SGCD: variants seen among roughly 807,000 people sequenced by gnomAD.
The protein encoded by SGCD is delta-sarcoglycan.
In SGCD, 18 loss-of-function variants were observed where a neutral mutation model predicts 36.6. The ratio of observed to expected loss-of-function variants is 0.49; its 90% CI spans 0.34 to 0.73. The LOEUF is 0.73. SGCD is among the 30% of genes least tolerant of loss of function. The pLI, the probability that SGCD is intolerant of heterozygous loss-of-function variation, is 0.01. For synonymous variants in SGCD, 133 were observed against 130.6 expected (o/e 1.02, Z -0.12); for missense variants, 387 against 346.7 (o/e 1.12, Z -0.92).
At chr5:155,754,323 T>C in the SGCD span, among the ~76,000 whole-genome samples, 1 of 152,128 alleles carries the variant, frequency 6.6e-6, no homozygotes, top group African/African-American at 2.4e-5. Flanking sequence ...CATCCAAATA[T>C]AAGGGACTAT....
intron 1 of SGCD, among the ~76,000 whole-genome samples, chr5:155,977,119 G>C (rs1758131293): frequency 6.6e-6 from 1 of 152,122 alleles, no homozygotes; most frequent in Admixed American, 6.6e-5. Flanking sequence ...TGCACCTCAG[G>C]GTCTTTGCAC....
intron 3 of SGCD, among the ~76,000 whole-genome samples, chr5:156,279,983 A>AT (rs2127672884): frequency 6.6e-6 from 1 of 150,786 alleles, no homozygotes; most frequent in African/African-American, 2.4e-5. Context: ...ACACACATAC[A>AT]AACACACACA....
At chr5:156,031,327 C>A (rs1759345596) in intron 1 of SGCD, among the ~76,000 whole-genome samples, 1 of 152,238 alleles carries the variant, frequency 6.6e-6, no homozygotes, top group Non-Finnish European at 1.5e-5. Context: ...GAAAATGAGA[C>A]AAGAGGCCTA....
rs191579907 is a variant in SGCD, at chr5:156,346,442, A to T, written c.192+1765A>T. 1.4e-3 allele frequency among the ~76,000 whole-genome samples: 215 copies of T among 152,218 alleles called. 1 individual carries two copies. Among genetic ancestry groups the T allele is most frequent in the African/African-American group, 5.0e-3 (209 of 41,542 alleles). On this transcript the variant is annotated intron_variant, in intron 3 of 8. Transcript: ENST00000337851. ...ATCCCTCAAGTAGATAGAACTAGAG[A>T]CACACACCATCATGCTTGACTAATT...
At chr5:156,363,914 A>G (rs1229411542) in intron 3 of SGCD, among the ~76,000 whole-genome samples, 3 of 152,128 alleles carry the variant, frequency 2.0e-5, no homozygotes, top group Non-Finnish European at 2.9e-5. Context: ...AAAACTCACT[A>G]CCTGTCACAT....
intron 1 of SGCD, among the ~76,000 whole-genome samples, chr5:156,060,797 C>A (rs1273715845): frequency 6.9e-6 from 1 of 145,660 alleles, no homozygotes; most frequent in Non-Finnish European, 1.5e-5. Flanking sequence ...ATATTAAAAA[C>A]TAAAAGATTG....
intron 3 of SGCD, among the ~76,000 whole-genome samples, chr5:156,287,400 G>A (rs1199423361): frequency 2.0e-5 from 3 of 152,106 alleles, no homozygotes; most frequent in African/African-American, 7.2e-5. Context: ...GCTAGAGAGG[G>A]TTGGCCTAGA....
chr5:155,746,496 C>T, the SGCD span, among the ~76,000 whole-genome samples: 1 of 152,132 alleles, frequency 6.6e-6, no homozygotes, highest in African/African-American at 2.4e-5. Context: ...AAAGACAAGT[C>T]AGAGCAGGCT....
At chr5:156,618,279 T>G (rs1403340752) in intron 6 of SGCD, among the ~76,000 whole-genome samples, 1 of 152,194 alleles carries the variant, frequency 6.6e-6, no homozygotes, top group African/African-American at 2.4e-5. Context: ...CCAGTTATCG[T>G]TAGCAGAGAT....
chr5:156,068,127 G>T (rs113669524), intron 1 of SGCD, among the ~76,000 whole-genome samples: 6,459 of 108,110 alleles, frequency 0.06, 473 homozygotes, highest in African/African-American at 0.19. Context: ...TTTATTTTAT[G>T]TTATTTTATT....
intron 3 of SGCD, among the ~76,000 whole-genome samples, chr5:156,278,465 G>A (rs1766374267): frequency 6.6e-6 from 1 of 152,132 alleles, no homozygotes; most frequent in African/African-American, 2.4e-5. Context: ...CTAGAAGGGT[G>A]GTAGAGGACT....
At chr5:155,890,460 AC>A (rs887542544) in intron 1 of SGCD, among the ~76,000 whole-genome samples, 1 of 151,938 alleles carries the variant, frequency 6.6e-6, no homozygotes, top group African/African-American at 2.4e-5. Context: ...CCTTACCTCT[AC>A]AAAAAATACA....
chr5:156,623,143 A>G (rs1484927855), intron 6 of SGCD, among the ~76,000 whole-genome samples: 1 of 152,228 alleles, frequency 6.6e-6, no homozygotes, highest in Admixed American at 6.5e-5. Flanking sequence ...ATAAATATAT[A>G]TACATACATG....
chr5:156,488,420 C>T (rs1755799119), intron 3 of SGCD, among the ~76,000 whole-genome samples: 1 of 151,920 alleles, frequency 6.6e-6, no homozygotes, highest in African/African-American at 2.4e-5. Context: ...AGAGAAAAGT[C>T]ACATATGAGG....
chr5:156,008,066 T>C (rs910130316), intron 1 of SGCD, among the ~76,000 whole-genome samples: 1 of 152,216 alleles, frequency 6.6e-6, no homozygotes, highest in Non-Finnish European at 1.5e-5. Flanking sequence ...TCAGATGTTC[T>C]TTGAGTCAAC....
At chr5:156,152,553 C>A (rs896563342) in intron 3 of SGCD, among the ~76,000 whole-genome samples, 2 of 151,584 alleles carry the variant, frequency 1.3e-5, no homozygotes, top group South Asian at 4.1e-4. Context: ...TATAGGATAT[C>A]TCTATTCATT....
chr5:156,670,335 A>C (rs1338951000), intron 7 of SGCD, among the ~76,000 whole-genome samples: 1 of 152,170 alleles, frequency 6.6e-6, no homozygotes, highest in East Asian at 1.9e-4. Context: ...CCTCAAATAG[A>C]GTAATGTGAT....
At chr5:156,584,221 CT>C (rs1437115199) in intron 4 of SGCD, among the ~76,000 whole-genome samples, 1 of 152,166 alleles carries the variant, frequency 6.6e-6, no homozygotes, top group East Asian at 1.9e-4. Flanking sequence ...GCCAAATACA[CT>C]TGTCTATGTT....
chr5:155,906,002 C>G (rs560588895), intron 1 of SGCD, among the ~76,000 whole-genome samples: 17 of 152,194 alleles, frequency 1.1e-4, no homozygotes, highest in South Asian at 8.3e-4. Flanking sequence ...TTTCAGCAAC[C>G]TTGCATCAAA....
Sources: gnomAD v4.1 joint callset for allele counts (sites outside exome capture counted in the v4.1 genomes callset) on GRCh38, gnomAD v4.1.1 for gene constraint, MANE v1.5 for transcripts, NCBI Gene and HGNC (gene_info 2026-07-23, HGNC 2026-07-21) for gene names.